PROX1: variants seen among roughly 807,000 people sequenced by gnomAD.
PROX1 encodes prospero homeobox protein 1.
In PROX1, 7 loss-of-function variants were observed where a neutral mutation model predicts 58.8. The observed-to-expected ratio is 0.12, with a 90% CI of 0.07 to 0.22. PROX1 has a LOEUF of 0.22. Ranked by LOEUF, PROX1 falls within the 10% of genes least tolerant of loss-of-function variation. The probability of loss-of-function intolerance (pLI) is 1.00; values close to 1 mark genes in which losing one functional copy is unlikely to be tolerated. For missense variants in PROX1, 675 were observed against 927.8 expected, an observed-to-expected ratio of 0.73 and a Z score of 3.54; for synonymous variants, 350 against 358.3, an observed-to-expected ratio of 0.98 and a Z score of 0.26.
intron 3 of PROX1, 99 bp downstream of exon 3, chr1:214,005,371 T>G (rs918271587): frequency 2.3e-6 from 2 of 880,998 alleles, no homozygotes; most frequent in Non-Finnish European, 3.5e-6. Context: ...AATTGGTTTA[T>G]TCCTACACCT....
intron 4 of PROX1, among the ~76,000 whole-genome samples, chr1:214,020,706 G>A (rs968345947): frequency 6.6e-6 from 1 of 152,168 alleles, no homozygotes; most frequent in African/African-American, 2.4e-5. Flanking sequence ...TTTTCCAATA[G>A]AGTTTAACTA....
chr1:214,035,617 T>A, intron 4 of PROX1, 32 bp from the exon 5 acceptor site: 1 of 1,580,050 alleles, frequency 6.3e-7, no homozygotes. Context: ...ACTGAAAACT[T>A]TATTAATGCC....
chr1:214,002,126 G>A (rs995296028), intron 2 of PROX1, among the ~76,000 whole-genome samples: 1 of 152,146 alleles, frequency 6.6e-6, no homozygotes, highest in Non-Finnish European at 1.5e-5. Flanking sequence ...ACAATCTCTA[G>A]CTACAATCCA....
At chr1:214,016,285 C>G (rs569666895) in intron 4 of PROX1, among the ~76,000 whole-genome samples, 2 of 152,312 alleles carry the variant, frequency 1.3e-5, no homozygotes, top group South Asian at 4.1e-4. Context: ...TCTTAACCTA[C>G]TCCCACTTTC....
At chr1:214,007,897 A>G (rs544895587) in intron 3 of PROX1, among the ~76,000 whole-genome samples, 28 of 152,320 alleles carry the variant, frequency 1.8e-4, no homozygotes, top group African/African-American at 6.5e-4. Context: ...TGAAACCTGC[A>G]TCATTTATCT....
intron 4 of PROX1, among the ~76,000 whole-genome samples, chr1:214,023,025 A>G (rs557634808): frequency 8.5e-5 from 13 of 152,286 alleles, no homozygotes; most frequent in African/African-American, 2.9e-4. Context: ...CCAAGGCCCT[A>G]TTTGCAGATC....
intron 4 of PROX1, among the ~76,000 whole-genome samples, chr1:214,023,330 T>C (rs899559083): frequency 6.6e-6 from 1 of 152,098 alleles, no homozygotes; most frequent in African/African-American, 2.4e-5. Context: ...AGAGCAGAAT[T>C]GGCTATGTTT....
At chr1:213,990,867 T>C (rs1438888418) in intron 1 of PROX1, among the ~76,000 whole-genome samples, 2 of 152,172 alleles carry the variant, frequency 1.3e-5, no homozygotes, top group African/African-American at 4.8e-5. Flanking sequence ...TCAAGTCATA[T>C]GTTAAATAAT....
Position 214,040,233 on chromosome 1 carries a change from C to A in PROX1, c.*4399C>A. Reference sequence around the variant, plus strand: ...AAACTAAAGCTAAAATGCTCATATTCAGAGCTGGGATCAAAACTGGTATTT... The same window carrying A: ...AAACTAAAGCTAAAATGCTCATATTAAGAGCTGGGATCAAAACTGGTATTT... On this transcript the variant is annotated 3_prime_UTR_variant, in exon 5 of 5. Transcript: ENST00000366958. 6.6e-6 allele frequency: 1 copy of A among 152,150 alleles called. No individual in the cohort carries two copies. Among genetic ancestry groups the A allele is most frequent in the East Asian group, 1.9e-4 (1 of 5,200 alleles). The allele number at this position is 152,150 out of a possible 1,614,324, so 9.4% of individuals were successfully genotyped here.
intron 2 of PROX1, 117 bp downstream of exon 2, chr1:213,998,377 T>G: frequency 8.1e-7 from 1 of 1,230,530 alleles, no homozygotes; most frequent in South Asian, 2.2e-5. Flanking sequence ...AGGCAACCTT[T>G]CCCATTATTC....
chr1:214,011,392 T>G, intron 3 of PROX1, 129 bp from the exon 4 acceptor site: 1 of 768,490 alleles, frequency 1.3e-6, no homozygotes, highest in Non-Finnish European at 2.0e-6. Context: ...GCCACCATTT[T>G]GGTGGAGTTA....
At chr1:214,031,798 T>A (rs1451724621) in intron 4 of PROX1, among the ~76,000 whole-genome samples, 12 of 152,094 alleles carry the variant, frequency 7.9e-5, no homozygotes. Flanking sequence ...GAGCTGGGTG[T>A]TTTCAAGCAG....
At position 214,026,232 on chromosome 1, in the gene PROX1, G is replaced by T. The variant is rs987668733; in HGVS notation, c.2029-9417G>T. ...AGAGAAGGAAAATTTGCTTCATCGC[G>T]ACCAATAATGTGACAATTATGTTTC... On this transcript the variant is annotated intron_variant, in intron 4 of 4. Transcript: ENST00000366958. Among the ~76,000 whole-genome samples the T allele has an allele frequency of 3.3e-5, 5 of 152,236 alleles. No homozygotes were observed. In the South Asian group the frequency reaches 1.0e-3, roughly 32 times the overall value.
At chr1:214,021,462 C>T (rs1664277320) in intron 4 of PROX1, among the ~76,000 whole-genome samples, 1 of 152,218 alleles carries the variant, frequency 6.6e-6, no homozygotes, top group African/African-American at 2.4e-5. Context: ...ATCTTCATCT[C>T]TCCAGATTAA....
rs1663270532 is a variant in PROX1 at position 213,996,593 on chromosome 1, G to A, written c.58G>A (p.Asp20Asn). 1 of 1,614,010 alleles carries A rather than the reference G, an allele frequency of 6.2e-7. No individual in the cohort carries two copies. The part of the protein sequence containing the change: ...LSRQTKRRRV[D>N]IGVKRTVGTA... ...CCGGCAAACCAAGAGGAGAAGAGTT[G>A]ACATTGGAGTGAAAAGGACGGTAGG... Residue 20 changes from aspartate to asparagine, a missense_variant, in exon 2 of 5, where the codon GAC becomes AAC. By Grantham distance (23) the Asp-to-Asn change is conservative. This residue lies in a region of PROX1 where 157 missense variants were observed against 197.8 expected (regional missense o/e 0.79). Coordinates refer to ENST00000366958, the MANE Select transcript of PROX1 (RefSeq NM_001270616.2).
At chr1:214,008,423 C>CA (rs1010801610) in intron 3 of PROX1, among the ~76,000 whole-genome samples, 4 of 89,912 alleles carry the variant, frequency 4.4e-5, no homozygotes, top group Middle Eastern at 5.3e-3. Context: ...ACAACAACAA[C>CA]AACAAAAAAA....
chr1:214,010,039 G>A (rs1056829904), intron 3 of PROX1, among the ~76,000 whole-genome samples: 1 of 152,080 alleles, frequency 6.6e-6, no homozygotes, highest in Non-Finnish European at 1.5e-5. Context: ...TATTGAAATC[G>A]GCAACCAGAA....
intron 2 of PROX1, among the ~76,000 whole-genome samples, chr1:214,002,054 G>A (rs1178971059): frequency 6.6e-6 from 1 of 152,088 alleles, no homozygotes; most frequent in Admixed American, 6.5e-5. Context: ...AAATTCTTTA[G>A]GTTTCAAATG....
intron 3 of PROX1, 89 bp from the exon 4 acceptor site, chr1:214,011,432 C>A: frequency 8.0e-7 from 1 of 1,242,366 alleles, no homozygotes; most frequent in Non-Finnish European, 1.1e-6. Context: ...AAAGAAGGGA[C>A]GGGAACATTA....
Sources: allele counts gnomAD v4.1 joint callset (sites outside exome capture counted in the v4.1 genomes callset), GRCh38; gene constraint gnomAD v4.1.1; regional missense constraint gnomAD v4.1.1; transcripts MANE v1.5; gene names NCBI Gene and HGNC (gene_info 2026-07-23, HGNC 2026-07-21).